Variants in TMEM26 observed in about 807,000 individuals in gnomAD.
The protein encoded by TMEM26 is transmembrane protein 26.
A neutral mutation model predicts 28.8 loss-of-function variants in TMEM26; 38 were observed. The ratio of observed to expected loss-of-function variants is 1.32; its 90% CI spans 1.02 to 1.73. The LOEUF (loss-of-function observed/expected upper bound fraction) is 1.73. TMEM26 is among the 40% of genes most tolerant of loss of function. The probability of loss-of-function intolerance (pLI) is 0.00; values close to 1 mark genes in which losing one functional copy is unlikely to be tolerated. For missense variants in TMEM26, 518 were observed against 447.1 expected, an observed-to-expected ratio of 1.16 and a Z score of -1.43; for synonymous variants, 227 against 182.9, an observed-to-expected ratio of 1.24 and a Z score of -1.95.
chr10:61,446,845 A>AAAAAAAAAAAAAAAAAAAAAC (rs1840190814), intron 1 of TMEM26, among the ~76,000 whole-genome samples: 1 of 139,754 alleles, frequency 7.2e-6, no homozygotes, highest in Non-Finnish European at 1.5e-5. Flanking sequence ...AAAAAAAAAA[A>AAAAAAAAAAAAAAAAAAAAAC]AAAAAAATTA....
rs375695295 is a variant in TMEM26 at position 61,410,280 on chromosome 10, C to A, written c.*42G>T. 28 of 1,550,946 alleles carry A rather than the reference C, an allele frequency of 1.8e-5. No individual in the cohort carries two copies. The highest frequency in any genetic ancestry group is 5.5e-5 in the African/African-American group (4 of 72,946). On this transcript the variant is annotated 3_prime_UTR_variant, in exon 6 of 6. Coordinates refer to ENST00000399298, the MANE Select transcript of TMEM26 (RefSeq NM_178505.8). ...AAAGGATCCTCCCTGTAAGAAGAAC[C>A]AGGGAGTCAGGTTCTAGCCGCAGAC...
chr10:61,452,468 C>G (rs552278604), intron 1 of TMEM26, among the ~76,000 whole-genome samples: 1 of 152,324 alleles, frequency 6.6e-6, no homozygotes, highest in African/African-American at 2.4e-5. Flanking sequence ...TGATGCCCAG[C>G]GAAGGACATT....
intron 4 of TMEM26, among the ~76,000 whole-genome samples, chr10:61,424,139 A>G (rs185348490): frequency 8.6e-4 from 131 of 152,296 alleles, no homozygotes; most frequent in African/African-American, 3.0e-3. Flanking sequence ...AATAATCAAA[A>G]CAGTCTGTTC....
chr10:61,410,767 A>G (rs569239293), intron 5 of TMEM26, 21 bp from the exon 6 acceptor site: 1 of 1,608,382 alleles, frequency 6.2e-7, no homozygotes, highest in Admixed American at 1.7e-5. Flanking sequence ...AAGACAGACT[A>G]GTTACTATCT....
At chr10:61,432,746 A>G (rs919312615) in intron 2 of TMEM26, among the ~76,000 whole-genome samples, 7 of 152,150 alleles carry the variant, frequency 4.6e-5, no homozygotes, top group African/African-American at 1.4e-4. Flanking sequence ...AAAAACAGAA[A>G]AGAAAGTCTG....
intron 4 of TMEM26, 106 bp downstream of exon 4, chr10:61,428,820 T>A: frequency 1.1e-6 from 1 of 948,584 alleles, no homozygotes; most frequent in Non-Finnish European, 1.6e-6. Context: ...GCATATAAAA[T>A]ATACTAAAAA....
chr10:61,428,448 C>G (rs1390908319), intron 4 of TMEM26, among the ~76,000 whole-genome samples: 2 of 152,048 alleles, frequency 1.3e-5, no homozygotes, highest in African/African-American at 2.4e-5. Context: ...CCATATACAC[C>G]AGGGAATGCA....
intron 1 of TMEM26, among the ~76,000 whole-genome samples, chr10:61,436,593 A>T (rs902062353): frequency 2.0e-5 from 3 of 152,250 alleles, no homozygotes; most frequent in Non-Finnish European, 4.4e-5. Flanking sequence ...ATGTTTTACG[A>T]AAAGCAAATA....
At position 61,436,208 on chromosome 10, in the gene TMEM26, G is replaced by A; in HGVS notation, c.232C>T (p.Pro78Ser). 4.3e-6 allele frequency: 7 copies of A among 1,609,214 alleles called. No homozygotes were observed. The highest frequency in any genetic ancestry group is 4.5e-5 in the East Asian group (2 of 44,748). Residue 78 changes from proline to serine, a missense_variant, in exon 2 of 6, where the codon CCA becomes TCA. Pro to Ser is a moderately conservative substitution (Grantham distance 74). Transcript: ENST00000399298. ...TGCAATTCAAGAAGCCATAATGATG[G>A]AACGATGCTAATCAGATATAAAAAT... ...AIFLYLISIV[P>S]SLWLLELHHE...
Position 61,453,200 on chromosome 10 carries a change from G to A in TMEM26, c.-119C>T. The A allele has an allele frequency of 1.9e-6, 2 of 1,071,714 alleles. No individual in the cohort carries two copies. The highest frequency in any genetic ancestry group is 2.6e-5 in the East Asian group (1 of 38,994). The allele number at this position is 1,071,714 out of a possible 1,614,324, so 66.4% of individuals were successfully genotyped here. On this transcript the variant is annotated 5_prime_UTR_variant, in exon 1 of 6. Transcript: ENST00000399298. Reference sequence around the variant, plus strand: ...AGCACTGAGACCTGCTGCTGCTTGTGGTCCCTTCTCACCCTCAGCGCCCGA... The same window carrying A: ...AGCACTGAGACCTGCTGCTGCTTGTAGTCCCTTCTCACCCTCAGCGCCCGA...
intron 1 of TMEM26, among the ~76,000 whole-genome samples, chr10:61,450,236 G>A (rs1482542769): frequency 6.6e-6 from 1 of 152,024 alleles, no homozygotes; most frequent in African/African-American, 2.4e-5. Flanking sequence ...TCTATATAGA[G>A]GTATAGATGT....
chr10:61,412,953 A>G, intron 5 of TMEM26: 1 of 1,302,116 alleles, frequency 7.7e-7, no homozygotes, highest in Non-Finnish European at 1.0e-6. Flanking sequence ...TCCAATGAGG[A>G]CAATTTTAAC....
intron 1 of TMEM26, among the ~76,000 whole-genome samples, chr10:61,446,253 T>A (rs565372929): frequency 1.3e-5 from 2 of 152,336 alleles, no homozygotes; most frequent in South Asian, 4.1e-4. Context: ...TGACTTGGAT[T>A]ACTAAGAACA....
In TMEM26 at chr10:61,407,869, C is replaced by A. The variant is rs895434943; in HGVS notation, c.*2453G>T. 1 of 152,086 alleles carries A rather than the reference C, an allele frequency of 6.6e-6. No individual in the cohort carries two copies. The highest frequency in any genetic ancestry group is 2.4e-5 in the African/African-American group (1 of 41,414). 9.4% of individuals were successfully genotyped at this position (152,086 alleles called of 1,614,324 possible). ...TATCTTATTACAGATAAAATGTAAA[C>A]AAGTCCCAGGATGTCCACACATGGG... On this transcript the variant is annotated 3_prime_UTR_variant, in exon 6 of 6. Transcript: ENST00000399298.
chr10:61,442,008 A>G (rs1840102746), intron 1 of TMEM26, among the ~76,000 whole-genome samples: 1 of 152,014 alleles, frequency 6.6e-6, no homozygotes. Flanking sequence ...TTCTTTATAT[A>G]TTTACTTGTT....
At chr10:61,445,681 T>G (rs1331181619) in intron 1 of TMEM26, among the ~76,000 whole-genome samples, 7 of 148,358 alleles carry the variant, frequency 4.7e-5, no homozygotes, top group African/African-American at 1.6e-4. Flanking sequence ...ATTAAATTTT[T>G]TTTTAAAAAA....
At chr10:61,415,231 C>T (rs983771115) in intron 4 of TMEM26, 2 of 853,508 alleles carry the variant, frequency 2.3e-6, no homozygotes, top group Non-Finnish European at 2.8e-6. Flanking sequence ...CAAAGATTTT[C>T]CCTAATTGTT....
chr10:61,451,191 C>A (rs1840273658), intron 1 of TMEM26, among the ~76,000 whole-genome samples: 1 of 152,152 alleles, frequency 6.6e-6, no homozygotes, highest in African/African-American at 2.4e-5. Context: ...TTTTTCCTCT[C>A]TCGGTTGTAA....
Position 61,410,570 on chromosome 10 carries a change from C to A in TMEM26, c.859G>T (p.Val287Leu), listed in dbSNP as rs975823061. ...TYFKVINQML[V>L]FFAAKNFLVV... is the part of the protein sequence containing the mutation. ...AGGAAGTTCTTCGCGGCAAAGAACA[C>A]CAGCATCTGATTGATCACTTTGAAA... Residue 287 changes from valine (V) to leucine (L), a missense_variant, in exon 6 of 6, where the codon GTG becomes TTG. Physicochemically the swap from Val to Leu is conservative, Grantham distance 32. Transcript: ENST00000399298. 1.2e-6 allele frequency: 2 copies of A among 1,613,980 alleles called. No individual in the cohort carries two copies. The highest frequency in any genetic ancestry group is 1.7e-6 in the Non-Finnish European group (2 of 1,180,032).
Sources: allele counts gnomAD v4.1 joint callset (sites outside exome capture counted in the v4.1 genomes callset), GRCh38; gene constraint gnomAD v4.1.1; transcripts MANE v1.5; gene names NCBI Gene and HGNC (gene_info 2026-07-23, HGNC 2026-07-21).